SFMBT2: variants seen among roughly 807,000 people sequenced by gnomAD.
The protein encoded by SFMBT2 is scm-like with four MBT domains protein 2.
In SFMBT2, 38 loss-of-function variants were observed where a neutral mutation model predicts 110.1. That is an observed-to-expected ratio of 0.35 (90% CI 0.27 to 0.45). SFMBT2 has a LOEUF of 0.45. Ranked by LOEUF, SFMBT2 falls within the 20% of genes least tolerant of loss-of-function variation. The probability of loss-of-function intolerance (pLI) is 1.00; values close to 1 mark genes in which losing one functional copy is unlikely to be tolerated. For synonymous variants in SFMBT2, 425 were observed against 425.4 expected (o/e 1.00, Z 0.01); for missense variants, 1,011 against 1,094.9 (o/e 0.92, Z 1.08).
chr10:7,367,616 TC>T lies in SFMBT2; in HGVS notation c.436+32del. On this transcript the variant is annotated intron_variant, in intron 4 of 20. Coordinates refer to ENST00000397167, the MANE Select transcript of SFMBT2 (RefSeq NM_001387889.1). The surrounding 1 kb of genome is among the most constrained non-coding windows in gnomAD (Gnocchi z 6.2). ...TACAGGCGTCATGAAGGATGGCGGC[TC>T]GTAAATCGAAGCCTTTGAAACAGGG... 2 of 1,593,538 alleles carry T rather than the reference TC, an allele frequency of 1.3e-6. No homozygotes were observed. The highest frequency in any genetic ancestry group is 1.7e-6 in the Non-Finnish European group (2 of 1,168,458).
At chr10:7,169,247 T>C (rs1837797174) in intron 20 of SFMBT2, among the ~76,000 whole-genome samples, 1 of 152,214 alleles carries the variant, frequency 6.6e-6, no homozygotes, top group African/African-American at 2.4e-5. Flanking sequence ...ATTACAGGCA[T>C]AAGCCGCCAT....
intron 4 of SFMBT2, among the ~76,000 whole-genome samples, chr10:7,347,042 T>C (rs939937353): frequency 6.6e-6 from 1 of 151,496 alleles, no homozygotes. Flanking sequence ...TGTAGCTAAA[T>C]GAGTTGTGAC....
intron 4 of SFMBT2, among the ~76,000 whole-genome samples, chr10:7,362,220 C>G (rs976547628): frequency 7.2e-5 from 11 of 152,120 alleles, no homozygotes; most frequent in African/African-American, 2.7e-4. Context: ...AGGAACGCTG[C>G]TCTGAACGGC....
At chr10:7,308,639 T>C (rs1842761538) in intron 4 of SFMBT2, among the ~76,000 whole-genome samples, 1 of 152,160 alleles carries the variant, frequency 6.6e-6, no homozygotes, top group Non-Finnish European at 1.5e-5. Context: ...GGCAATGTGA[T>C]AGTCCTGGCT....
chr10:7,243,350 C>G (rs745716634), intron 9 of SFMBT2, among the ~76,000 whole-genome samples: 4 of 152,212 alleles, frequency 2.6e-5, no homozygotes, highest in Non-Finnish European at 4.4e-5. Context: ...CTCCTGTGGA[C>G]AGAAGTGAGA....
At chr10:7,355,690 G>A (rs56163658) in intron 4 of SFMBT2, among the ~76,000 whole-genome samples, 6,239 of 152,244 alleles carry the variant, frequency 0.041, 461 homozygotes, top group African/African-American at 0.14. Flanking sequence ...GCGGGCGCCT[G>A]TAATCCCAGT....
At chr10:7,259,790 C>T (rs1386299120) in intron 7 of SFMBT2, among the ~76,000 whole-genome samples, 1 of 152,236 alleles carries the variant, frequency 6.6e-6, no homozygotes, top group Non-Finnish European at 1.5e-5. Flanking sequence ...CCTTCAGCCC[C>T]TTGGTGTGAT....
At chr10:7,197,398 G>T in intron 15 of SFMBT2, 150 bp downstream of exon 15, 1 of 1,068,658 alleles carries the variant, frequency 9.4e-7, no homozygotes, top group Non-Finnish European at 1.3e-6. Context: ...GTGTATCTCT[G>T]GCTTCAGCCC....
chr10:7,165,113 CAG>C (rs759194113), intron 20 of SFMBT2, among the ~76,000 whole-genome samples: 3 of 152,072 alleles, frequency 2.0e-5, no homozygotes, highest in Non-Finnish European at 4.4e-5. Flanking sequence ...CTCAATCGTC[CAG>C]AGGGAGTCAC....
chr10:7,353,273 T>C lies in SFMBT2; in HGVS notation c.436+14376A>G, dbSNP rs557992709. Among the ~76,000 whole-genome samples, 16 of 152,290 alleles carry C rather than the reference T, an allele frequency of 1.1e-4. No homozygotes were observed. In the South Asian group the frequency reaches 3.3e-3, roughly 32 times the overall value. ...TTCCATTACTATGTCAACAGTAATG[T>C]GGTGATACAGTGGACCAAATCAACA... On this transcript the variant is annotated intron_variant, in intron 4 of 20. Transcript: ENST00000397167.
At chr10:7,397,082 T>C (rs1845948237) in intron 1 of SFMBT2, among the ~76,000 whole-genome samples, 1 of 152,182 alleles carries the variant, frequency 6.6e-6, no homozygotes. Flanking sequence ...TAAACTATCA[T>C]TGTGCAATTG....
chr10:7,228,329 T>G (rs1476683400), intron 9 of SFMBT2: 2 of 771,602 alleles, frequency 2.6e-6, no homozygotes, highest in African/African-American at 3.8e-5. Context: ...AGCTTACTTT[T>G]CGGTGTCTTT....
At chr10:7,196,114 G>T (rs535582525) in intron 15 of SFMBT2, among the ~76,000 whole-genome samples, 1 of 152,274 alleles carries the variant, frequency 6.6e-6, no homozygotes, top group African/African-American at 2.4e-5. Flanking sequence ...AGGCTCTCGT[G>T]TGGAGGGAAA....
rs1210467263 is a variant in SFMBT2, at chr10:7,214,603, C to A, written c.1330+5808G>T. The A allele has an allele frequency of 3.0e-6, 3 of 985,368 alleles. No homozygotes were observed. In the African/African-American group the frequency reaches 5.2e-5, roughly 17 times the overall value. 61.0% of individuals were successfully genotyped at this position (985,368 alleles called of 1,614,324 possible). A position where few individuals can be genotyped will look rare whatever the true frequency, so the allele number is the denominator to read the frequency against. On this transcript the variant is annotated intron_variant, in intron 11 of 20. Coordinates refer to ENST00000397167, the MANE Select transcript of SFMBT2 (RefSeq NM_001387889.1). ...CCATACTGCTCCTCAAACACACTTGCAGAAATCAGAAACTACACACGTAGC... is the reference window on the plus strand; with the variant it reads ...CCATACTGCTCCTCAAACACACTTGAAGAAATCAGAAACTACACACGTAGC...
In SFMBT2 at chr10:7,276,948, G is replaced by A. The variant is rs748506762; in HGVS notation, c.814C>T (p.Leu272=). The A allele has an allele frequency of 6.9e-6, 6 of 872,942 alleles. No individual in the cohort carries two copies. The Admixed American group carries it at 8.4e-5, about 12-fold the overall frequency. 54.1% of individuals were successfully genotyped at this position (872,942 alleles called of 1,614,324 possible). A position where few individuals can be genotyped will look rare whatever the true frequency, so the allele number is the denominator to read the frequency against. Residue 272 remains leucine, a synonymous_variant, in exon 7 of 21, where the codon CTG becomes TTG. Coordinates refer to ENST00000397167, the MANE Select transcript of SFMBT2 (RefSeq NM_001387889.1). The part of the protein sequence containing the change: ...LKMASEWKCT[L]EKSLIDAAKF... ...GCAGCATCAATAAGGGATTTTTCCAGAGTACATTTCCATTCAGAGGCCATC... is the reference window on the plus strand; with the variant it reads ...GCAGCATCAATAAGGGATTTTTCCAAAGTACATTTCCATTCAGAGGCCATC...
At chr10:7,259,226 C>G (rs1360601523) in intron 7 of SFMBT2, among the ~76,000 whole-genome samples, 1 of 152,208 alleles carries the variant, frequency 6.6e-6, no homozygotes, top group Admixed American at 6.5e-5. Flanking sequence ...CAGACACCAA[C>G]GTGGAGGCCA....
chr10:7,227,565 A>G (rs1156782440), intron 10 of SFMBT2, among the ~76,000 whole-genome samples: 1 of 152,236 alleles, frequency 6.6e-6, no homozygotes, highest in African/African-American at 2.4e-5. Context: ...AATGAGAACC[A>G]CCTACTAATC....
Position 7,242,310 on chromosome 10 carries a change from G to A in SFMBT2, c.1120+1248C>T, listed in dbSNP as rs11597222. Reference sequence around the variant, plus strand: ...ATGTGGCTCAGGGTGCAAAGCCAGTGTGTACCAACAGAGAAACAAACACCA... The same window carrying A: ...ATGTGGCTCAGGGTGCAAAGCCAGTATGTACCAACAGAGAAACAAACACCA... On this transcript the variant is annotated intron_variant, in intron 9 of 20. Coordinates refer to ENST00000397167, the MANE Select transcript of SFMBT2 (RefSeq NM_001387889.1). Among the ~76,000 whole-genome samples the A allele has an allele frequency of 5.2e-3, 787 of 152,312 alleles. 6 individuals are homozygous for A. Among genetic ancestry groups the A allele is most frequent in the Admixed American group, 6.0e-3 (92 of 15,306 alleles).
intron 4 of SFMBT2, among the ~76,000 whole-genome samples, chr10:7,346,363 T>TTGAAACAGAGGACA (rs1844110675): frequency 6.6e-6 from 1 of 152,164 alleles, no homozygotes; most frequent in African/African-American, 2.4e-5. Context: ...AAAAACCAGA[T>TTGAAACAGAGGACA]TGAAACAGAG....
Sources: gnomAD v4.1 joint callset for allele counts (sites outside exome capture counted in the v4.1 genomes callset) on GRCh38, gnomAD v4.1.1 for gene constraint, Gnocchi (gnomAD v3.1) non-coding constraint, MANE v1.5 for transcripts, NCBI Gene and HGNC (gene_info 2026-07-23, HGNC 2026-07-21) for gene names.